Variants in CDC42BPA observed in about 807,000 individuals in gnomAD.
The protein encoded by CDC42BPA is CDC42 binding protein kinase alpha.
Under a neutral mutation model 223.5 loss-of-function variants are expected in CDC42BPA, and 80 were observed. The observed-to-expected ratio is 0.36, with a 90% CI of 0.30 to 0.43. The LOEUF is 0.43. Ranked by LOEUF, CDC42BPA falls within the 20% of genes least tolerant of loss-of-function variation. The pLI, the probability that CDC42BPA is intolerant of heterozygous loss-of-function variation, is 1.00. For synonymous variants in CDC42BPA, 694 were observed against 718.6 expected (o/e 0.97, Z 0.55); for missense variants, 1,743 against 2,099.9 (o/e 0.83, Z 3.32).
intron 30 of CDC42BPA, among the ~76,000 whole-genome samples, chr1:227,028,060 C>T (rs971635277): frequency 6.7e-6 from 1 of 150,106 alleles, no homozygotes; most frequent in African/African-American, 2.5e-5. Context: ...TTGGAGGCTG[C>T]AGTGGGCTGT....
intron 32 of CDC42BPA, among the ~76,000 whole-genome samples, chr1:227,017,260 T>C (rs1482079359): frequency 1.3e-5 from 2 of 152,194 alleles, no homozygotes; most frequent in Non-Finnish European, 2.9e-5. Flanking sequence ...TTACAAAATA[T>C]ACTTTCACTT....
rs189531937 is a variant in CDC42BPA, at chr1:227,015,481, C to T, written c.4857+599G>A. On this transcript the variant is annotated intron_variant, in intron 34 of 36. Coordinates refer to ENST00000366766, the MANE Select transcript of CDC42BPA (RefSeq NM_001394014.1). ...ATGTTGCCTGGGCTGGTCTTGAACT[C>T]CTGGCCTCAGCAATCCTCATGCCTT... 4.7e-3 allele frequency among the ~76,000 whole-genome samples: 721 copies of T among 152,188 alleles called. 4 individuals are homozygous for T. The highest frequency in any genetic ancestry group is 0.017 in the African/African-American group (691 of 41,518).
chr1:227,044,868 A>G (rs1478191991), intron 23 of CDC42BPA, among the ~76,000 whole-genome samples: 1 of 152,214 alleles, frequency 6.6e-6, no homozygotes, highest in Non-Finnish European at 1.5e-5. Context: ...TAAAATTAAT[A>G]GTTCCCCTCC....
At chr1:227,015,237 A>G (rs146355081) in intron 34 of CDC42BPA, among the ~76,000 whole-genome samples, 5,479 of 152,086 alleles carry the variant, frequency 0.036, 339 homozygotes, top group African/African-American at 0.13. Context: ...CAGCCTGACC[A>G]ACATGGTGAA....
At chr1:227,221,778 T>C (rs1273782867) in intron 2 of CDC42BPA, among the ~76,000 whole-genome samples, 1 of 151,816 alleles carries the variant, frequency 6.6e-6, no homozygotes, top group Non-Finnish European at 1.5e-5. Flanking sequence ...CTCAGTCCCA[T>C]TCTCCCCCAA....
chr1:227,279,209 T>TC (rs1687625260), intron 1 of CDC42BPA, among the ~76,000 whole-genome samples: 1 of 152,152 alleles, frequency 6.6e-6, no homozygotes, highest in African/African-American at 2.4e-5. Flanking sequence ...TTCTCCTAAC[T>TC]CCATCAACTC....
chr1:227,144,419 A>G (rs767782429), intron 8 of CDC42BPA, among the ~76,000 whole-genome samples: 39 of 151,976 alleles, frequency 2.6e-4, no homozygotes, highest in Non-Finnish European at 4.3e-4. Flanking sequence ...TACTAAAAAC[A>G]TAAAAGTTAG....
At chr1:227,269,616 A>T (rs1218799081) in intron 1 of CDC42BPA, among the ~76,000 whole-genome samples, 2 of 152,226 alleles carry the variant, frequency 1.3e-5, no homozygotes, top group East Asian at 3.8e-4. Context: ...TTTGTAACAA[A>T]TATTTACGTA....
intron 1 of CDC42BPA, among the ~76,000 whole-genome samples, chr1:227,289,647 T>A (rs1689362118): frequency 6.6e-6 from 1 of 152,248 alleles, no homozygotes; most frequent in South Asian, 2.1e-4. Flanking sequence ...CAGATTTTTA[T>A]GTCTGTCACA....
chr1:227,257,979 G>T (rs1413351092), intron 1 of CDC42BPA, among the ~76,000 whole-genome samples: 1 of 150,468 alleles, frequency 6.6e-6, no homozygotes, highest in Non-Finnish European at 1.5e-5. Context: ...AGACCAGCGT[G>T]GGCAACGTGG....
At chr1:227,279,766 C>T (rs73098345) in intron 1 of CDC42BPA, among the ~76,000 whole-genome samples, 1 of 151,956 alleles carries the variant, frequency 6.6e-6, no homozygotes, top group Non-Finnish European at 1.5e-5. Flanking sequence ...ATTTAACATA[C>T]TGTACTAAGG....
chr1:227,049,542 A>G (rs1028135641), intron 22 of CDC42BPA, among the ~76,000 whole-genome samples: 4 of 152,112 alleles, frequency 2.6e-5, no homozygotes, highest in Non-Finnish European at 4.4e-5. Flanking sequence ...CCCCATGTGA[A>G]ATTTGACAAG....
chr1:227,259,172 C>G (rs1200791491), intron 1 of CDC42BPA, among the ~76,000 whole-genome samples: 1 of 150,910 alleles, frequency 6.6e-6, no homozygotes, highest in African/African-American at 2.5e-5. Flanking sequence ...CCTCAGTTCT[C>G]AGGGGTGGGC....
intron 21 of CDC42BPA, among the ~76,000 whole-genome samples, chr1:227,066,511 GA>G (rs1677117721): frequency 6.6e-6 from 1 of 152,164 alleles, no homozygotes; most frequent in East Asian, 1.9e-4. Flanking sequence ...GTCAAAGATT[GA>G]ATACTGCTGT....
intron 33 of CDC42BPA, among the ~76,000 whole-genome samples, 168 bp from the exon 34 acceptor site, chr1:227,016,365 T>C (rs774982682): frequency 4.6e-5 from 7 of 152,200 alleles, no homozygotes; most frequent in Admixed American, 6.5e-5. Context: ...CTTAGAATAT[T>C]TTGTTTTAAA....
intron 6 of CDC42BPA, among the ~76,000 whole-genome samples, chr1:227,155,029 A>C (rs1450519320): frequency 6.6e-6 from 1 of 152,172 alleles, no homozygotes; most frequent in African/African-American, 2.4e-5. Context: ...TATGGTTTTG[A>C]CCGAGATATA....
At chr1:227,304,123 A>AT (rs1275251629) in intron 1 of CDC42BPA, among the ~76,000 whole-genome samples, 1 of 152,152 alleles carries the variant, frequency 6.6e-6, no homozygotes, top group Non-Finnish European at 1.5e-5. Context: ...TTTTGACCAC[A>AT]TGTGGTGGCG....
chr1:227,264,294 C>T (rs1236728857), intron 1 of CDC42BPA, among the ~76,000 whole-genome samples: 9 of 152,130 alleles, frequency 5.9e-5, no homozygotes, highest in African/African-American at 1.7e-4. Context: ...TGAGCAGATG[C>T]TTGCTGGCTC....
intron 22 of CDC42BPA, among the ~76,000 whole-genome samples, chr1:227,050,934 A>C (rs999770802): frequency 6.6e-6 from 1 of 152,190 alleles, no homozygotes; most frequent in African/African-American, 2.4e-5. Context: ...TCTGTGGGTG[A>C]TATTTACATG....
Sources: gnomAD v4.1 joint callset for allele counts (sites outside exome capture counted in the v4.1 genomes callset) on GRCh38, gnomAD v4.1.1 for gene constraint, MANE v1.5 for transcripts, NCBI Gene and HGNC (gene_info 2026-07-23, HGNC 2026-07-21) for gene names.